KIAA1328: variants seen among roughly 807,000 people sequenced by gnomAD.
The protein encoded by KIAA1328 is protein hinderin.
KIAA1328 carries 52 observed loss-of-function variants against 68.1 expected under a neutral mutation model. The observed-to-expected ratio is 0.76, with a 90% CI of 0.61 to 0.96. The LOEUF is 0.96. KIAA1328 is among the 40% of genes least tolerant of loss of function. KIAA1328 has a pLI of 0.00. For missense variants in KIAA1328, 641 were observed against 677.6 expected, an observed-to-expected ratio of 0.95 and a Z score of 0.60; for synonymous variants, 232 against 239.4, an observed-to-expected ratio of 0.97 and a Z score of 0.28.
intron 9 of KIAA1328, among the ~76,000 whole-genome samples, chr18:37,173,464 AC>A (rs1274999685): frequency 1.3e-5 from 2 of 152,236 alleles, no homozygotes; most frequent in Non-Finnish European, 1.5e-5. Context: ...TTAAAGGAAT[AC>A]CAACATTAAC....
At chr18:37,105,661 C>T (rs1216064936) in intron 7 of KIAA1328, among the ~76,000 whole-genome samples, 5 of 151,748 alleles carry the variant, frequency 3.3e-5, no homozygotes, top group Non-Finnish European at 7.4e-5. Flanking sequence ...CACAGTGGCT[C>T]ATGCCTATTA....
chr18:37,224,766 C>A lies in KIAA1328; in HGVS notation c.*2539C>A. 1.0e-6 allele frequency: 1 copy of A among 985,376 alleles called. No homozygotes were observed. 61.0% of individuals were successfully genotyped at this position (985,376 alleles called of 1,614,324 possible). A position where few individuals can be genotyped will look rare whatever the true frequency, so the allele number is the denominator to read the frequency against. On this transcript the variant is annotated 3_prime_UTR_variant, in exon 10 of 10. Transcript: ENST00000280020. ...GCTCGTCCAGCCTCTAGACACTTCC[C>A]AAAGCAAGACTGGACACATGCCGAG...
intron 5 of KIAA1328, among the ~76,000 whole-genome samples, chr18:36,937,587 G>A (rs150358138): frequency 6.6e-6 from 1 of 152,058 alleles, no homozygotes; most frequent in Non-Finnish European, 1.5e-5. Context: ...TTCATATGTG[G>A]CCAACAAACA....
chr18:37,033,375 A>G (rs1332595484), intron 6 of KIAA1328, among the ~76,000 whole-genome samples: 1 of 152,160 alleles, frequency 6.6e-6, no homozygotes, highest in Non-Finnish European at 1.5e-5. Context: ...CTTCCTTTAC[A>G]ATGTTTATTC....
chr18:37,034,793 AT>A (rs2054963729), intron 6 of KIAA1328, among the ~76,000 whole-genome samples: 1 of 152,230 alleles, frequency 6.6e-6, no homozygotes, highest in African/African-American at 2.4e-5. Context: ...ATAAAAGCAA[AT>A]TCAGATGAAC....
intron 4 of KIAA1328, among the ~76,000 whole-genome samples, chr18:36,844,569 G>A (rs780949515): frequency 5.3e-5 from 8 of 151,924 alleles, no homozygotes; most frequent in Non-Finnish European, 1.2e-4. Flanking sequence ...GTCATCTATT[G>A]AGGGAAGTTT....
intron 4 of KIAA1328, among the ~76,000 whole-genome samples, chr18:36,879,536 G>A (rs1484465717): frequency 3.3e-5 from 5 of 152,172 alleles, no homozygotes; most frequent in Non-Finnish European, 5.9e-5. Context: ...TGTGTCTGTC[G>A]CTTAGCAGAG....
intron 9 of KIAA1328, among the ~76,000 whole-genome samples, chr18:37,213,470 A>C (rs2060358812): frequency 6.6e-6 from 1 of 152,168 alleles, no homozygotes; most frequent in South Asian, 2.1e-4. Flanking sequence ...CCTACAAAGG[A>C]GATGAACTCA....
At chr18:36,861,821 A>T (rs1014489393) in intron 4 of KIAA1328, among the ~76,000 whole-genome samples, 8 of 152,032 alleles carry the variant, frequency 5.3e-5, no homozygotes, top group Non-Finnish European at 1.2e-4. Flanking sequence ...GGCATGCACC[A>T]TCACACTCAA....
At chr18:37,020,772 C>T (rs1365441409) in intron 6 of KIAA1328, among the ~76,000 whole-genome samples, 11 of 152,064 alleles carry the variant, frequency 7.2e-5, no homozygotes, top group Admixed American at 5.9e-4. Context: ...ATCATCTGCT[C>T]GAAATAGTTT....
chr18:36,835,166 G>A (rs555740147), intron 2 of KIAA1328, 68 bp from the exon 3 acceptor site: 25 of 1,368,146 alleles, frequency 1.8e-5, no homozygotes, highest in South Asian at 7.0e-5. Flanking sequence ...TCCAAGGAAG[G>A]AGTTGATGGG....
chr18:37,187,288 G>C (rs549055159), intron 9 of KIAA1328, among the ~76,000 whole-genome samples: 131 of 152,280 alleles, frequency 8.6e-4, no homozygotes, highest in African/African-American at 3.1e-3. Flanking sequence ...TTGTACGTGA[G>C]AGGCTGTTTC....
chr18:36,944,591 C>G (rs904888212), intron 5 of KIAA1328, among the ~76,000 whole-genome samples: 3 of 150,904 alleles, frequency 2.0e-5, no homozygotes, highest in African/African-American at 7.3e-5. Context: ...AAAAAAAATA[C>G]AAGGTCATGG....
chr18:36,857,341 T>C (rs969579814), intron 4 of KIAA1328, among the ~76,000 whole-genome samples: 1 of 152,204 alleles, frequency 6.6e-6, no homozygotes, highest in Non-Finnish European at 1.5e-5. Context: ...GAGTAGTATA[T>C]GTCATCTTTA....
At chr18:36,865,482 A>G (rs997856381) in intron 4 of KIAA1328, among the ~76,000 whole-genome samples, 1 of 152,216 alleles carries the variant, frequency 6.6e-6, no homozygotes. Context: ...GTTAATGTTC[A>G]TAAGTGCTTG....
At chr18:37,178,559 T>G (rs2059638917) in intron 9 of KIAA1328, among the ~76,000 whole-genome samples, 1 of 151,182 alleles carries the variant, frequency 6.6e-6, no homozygotes, top group Admixed American at 6.6e-5. Flanking sequence ...TGTAGATATC[T>G]CTTTGACATA....
chr18:37,024,119 C>T (rs1414891826), intron 6 of KIAA1328, among the ~76,000 whole-genome samples: 1 of 152,072 alleles, frequency 6.6e-6, no homozygotes, highest in East Asian at 1.9e-4. Flanking sequence ...CCTCAGCCTC[C>T]ACAGTAGCTG....
At chr18:36,892,156 A>G (rs1178821872) in intron 5 of KIAA1328, among the ~76,000 whole-genome samples, 2 of 152,074 alleles carry the variant, frequency 1.3e-5, no homozygotes, top group African/African-American at 4.8e-5. Flanking sequence ...GATAGGAACC[A>G]TACTGCAGGA....
intron 8 of KIAA1328, among the ~76,000 whole-genome samples, chr18:37,171,978 T>C (rs1223205496): frequency 6.6e-6 from 1 of 152,140 alleles, no homozygotes; most frequent in Non-Finnish European, 1.5e-5. Context: ...CCAAGGATAA[T>C]GGTGATCATT....
Sources: allele counts gnomAD v4.1 joint callset (sites outside exome capture counted in the v4.1 genomes callset), GRCh38; gene constraint gnomAD v4.1.1; transcripts MANE v1.5; gene names NCBI Gene and HGNC (gene_info 2026-07-23, HGNC 2026-07-21).